CENPP: variants seen among roughly 807,000 people sequenced by gnomAD.
CENPP encodes centromere protein P.
Under a neutral mutation model 35.6 loss-of-function variants are expected in CENPP, and 24 were observed. The ratio of observed to expected loss-of-function variants is 0.67; its 90% CI spans 0.49 to 0.95. The LOEUF (loss-of-function observed/expected upper bound fraction) is 0.95. Ranked by LOEUF, CENPP falls within the 40% of genes least tolerant of loss-of-function variation. The pLI, the probability that CENPP is intolerant of heterozygous loss-of-function variation, is 0.00. For synonymous variants in CENPP, 120 were observed against 125.5 expected (o/e 0.96, Z 0.29); for missense variants, 332 against 345.3 (o/e 0.96, Z 0.31).
At chr9:92,426,479 T>G (rs1488333817) in intron 5 of CENPP, among the ~76,000 whole-genome samples, 1 of 152,160 alleles carries the variant, frequency 6.6e-6, no homozygotes, top group Non-Finnish European at 1.5e-5. Flanking sequence ...AGTGAAAGTC[T>G]CTGTTATAGA....
chr9:92,520,208 A>G (rs554204613), intron 5 of CENPP, among the ~76,000 whole-genome samples: 1 of 151,404 alleles, frequency 6.6e-6, no homozygotes, highest in Non-Finnish European at 1.5e-5. Context: ...ACTGAAGCCC[A>G]GGAGTTCAAG....
At chr9:92,442,357 C>T (rs1844418311) in intron 5 of CENPP, among the ~76,000 whole-genome samples, 1 of 138,300 alleles carries the variant, frequency 7.2e-6, no homozygotes, top group Admixed American at 7.5e-5. Flanking sequence ...GAGGTCGCGC[C>T]ATTGCACTCC....
chr9:92,396,528 G>A (rs1842897224), intron 5 of CENPP, among the ~76,000 whole-genome samples: 1 of 151,068 alleles, frequency 6.6e-6, no homozygotes, highest in African/African-American at 2.4e-5. Context: ...TCTCTTAGCA[G>A]CGTTATTTAG....
rs538464663 is a variant in CENPP at position 92,441,776 on chromosome 9, C to G, written c.564+61917C>G. ...TCTTAGGAAACAAAGCAAAACAAAACAAAGACTTAAAAGATATATCAACTT... is the reference window on the plus strand; with the variant it reads ...TCTTAGGAAACAAAGCAAAACAAAAGAAAGACTTAAAAGATATATCAACTT... On this transcript the variant is annotated intron_variant, in intron 5 of 7. Coordinates refer to ENST00000375587, the MANE Select transcript of CENPP (RefSeq NM_001012267.3). 1.2e-3 allele frequency among the ~76,000 whole-genome samples: 184 copies of G among 152,142 alleles called. 1 individual carries two copies. Among genetic ancestry groups the G allele is most frequent in the African/African-American group, 4.2e-3 (174 of 41,524 alleles).
intron 4 of CENPP, among the ~76,000 whole-genome samples, chr9:92,370,929 T>C (rs1320813024): frequency 6.6e-6 from 1 of 152,214 alleles, no homozygotes. Context: ...TCTCATCTTT[T>C]TTATTTCTGT....
chr9:92,329,697 G>A (rs1477638159), intron 1 of CENPP, among the ~76,000 whole-genome samples: 1 of 151,966 alleles, frequency 6.6e-6, no homozygotes, highest in African/African-American at 2.4e-5. Flanking sequence ...TGAAGGCATG[G>A]CACCTGCCAC....
chr9:92,497,028 G>C (rs1424542330), intron 5 of CENPP, among the ~76,000 whole-genome samples: 1 of 151,686 alleles, frequency 6.6e-6, no homozygotes, highest in Non-Finnish European at 1.5e-5. Flanking sequence ...ATGCAAAATG[G>C]TGCGCCACCT....
At chr9:92,361,502 T>G (rs1004461705) in intron 4 of CENPP, among the ~76,000 whole-genome samples, 2 of 148,658 alleles carry the variant, frequency 1.3e-5, no homozygotes, top group Admixed American at 6.8e-5. Flanking sequence ...TATTTTGAGA[T>G]GGAGTCTTGC....
At position 92,614,129 on chromosome 9, in the gene CENPP, G is replaced by A. The variant is rs1445782968; in HGVS notation, c.*980G>A. 6.6e-6 allele frequency: 1 copy of A among 152,274 alleles called. No homozygotes were observed. Among genetic ancestry groups the A allele is most frequent in the African/African-American group, 2.4e-5 (1 of 41,432 alleles). The allele number at this position is 152,274 out of a possible 1,614,324, so 9.4% of individuals were successfully genotyped here. A position where few individuals can be genotyped will look rare whatever the true frequency, so the allele number is the denominator to read the frequency against. On this transcript the variant is annotated 3_prime_UTR_variant, in exon 8 of 8. Coordinates refer to ENST00000375587, the MANE Select transcript of CENPP (RefSeq NM_001012267.3). ...TAGTCCAGCCCTGTCTGGGCCCTGT[G>A]CTAGGCAATAACTCTTGCAGCCCTG...
At chr9:92,418,371 G>T (rs2130962872) in intron 5 of CENPP, among the ~76,000 whole-genome samples, 1 of 151,764 alleles carries the variant, frequency 6.6e-6, no homozygotes, top group South Asian at 2.1e-4. Flanking sequence ...ACAGGCGTGA[G>T]CCACTGCGCC....
chr9:92,387,668 A>G (rs138338233), intron 5 of CENPP, among the ~76,000 whole-genome samples: 59 of 152,324 alleles, frequency 3.9e-4, no homozygotes, highest in African/African-American at 1.4e-3. Flanking sequence ...CTTCCCAGTG[A>G]GTCTCATTTA....
chr9:92,602,330 G>C (rs147805493), intron 5 of CENPP, among the ~76,000 whole-genome samples: 1 of 152,280 alleles, frequency 6.6e-6, no homozygotes, highest in African/African-American at 2.4e-5. Flanking sequence ...CACCTTTTGG[G>C]ACCCTCACTG....
intron 5 of CENPP, among the ~76,000 whole-genome samples, chr9:92,488,296 G>A (rs1846107008): frequency 1.3e-5 from 2 of 152,152 alleles, no homozygotes; most frequent in South Asian, 2.1e-4. Context: ...GAGCAGATAA[G>A]GCAGTTTGCC....
In CENPP at chr9:92,618,528, CG is replaced by C. The variant is rs374257924; in HGVS notation, c.*5385del. 3.0e-3 allele frequency: 1,358 copies of C among 456,662 alleles called. 5 individuals are homozygous for C. The highest frequency in any genetic ancestry group is 3.9e-3 in the South Asian group (254 of 64,566). The allele number at this position is 456,662 out of a possible 1,614,324, so 28.3% of individuals were successfully genotyped here. A position where few individuals can be genotyped will look rare whatever the true frequency, so the allele number is the denominator to read the frequency against. On this transcript the variant is annotated 3_prime_UTR_variant, in exon 8 of 8. Transcript: ENST00000375587. The stretch of plus-strand genomic sequence containing the variant: ...TCCATTGCCCAGCTGCATCCTTGGT[CG>C]GGGGGCTGCTGAACAGTGGTATCTT...
At chr9:92,512,651 C>T (rs781652834) in intron 5 of CENPP, among the ~76,000 whole-genome samples, 6 of 152,302 alleles carry the variant, frequency 3.9e-5, no homozygotes, top group Middle Eastern at 3.4e-3. Context: ...TATGCCTCTA[C>T]GGCTTCAATC....
chr9:92,479,362 T>C (rs975981183), intron 5 of CENPP, among the ~76,000 whole-genome samples: 1 of 152,374 alleles, frequency 6.6e-6, no homozygotes, highest in Non-Finnish European at 1.5e-5. Flanking sequence ...TGGAGACTTC[T>C]GCCTGCAAGT....
intron 5 of CENPP, among the ~76,000 whole-genome samples, chr9:92,482,959 CTA>C (rs1414889009): frequency 6.6e-6 from 1 of 150,690 alleles, no homozygotes; most frequent in African/African-American, 2.4e-5. Context: ...GTCAGGGAAA[CTA>C]TGGATGAGGC....
chr9:92,615,837 C>G lies in CENPP; in HGVS notation c.*2688C>G. On this transcript the variant is annotated 3_prime_UTR_variant, in exon 8 of 8. Coordinates refer to ENST00000375587, the MANE Select transcript of CENPP (RefSeq NM_001012267.3). ...AAGACACTGCAGGGAAAGAGTTAGA[C>G]CTTGTGGAGAACTAATGTGCAATCT... 6.2e-7 allele frequency: 1 copy of G among 1,610,788 alleles called. No homozygotes were observed.
At chr9:92,546,581 G>A (rs574926522) in intron 5 of CENPP, among the ~76,000 whole-genome samples, 1 of 151,998 alleles carries the variant, frequency 6.6e-6, no homozygotes. Context: ...GCGAGACCAC[G>A]AACCCACCAG....
Sources: gnomAD v4.1 joint callset for allele counts (sites outside exome capture counted in the v4.1 genomes callset) on GRCh38, gnomAD v4.1.1 for gene constraint, MANE v1.5 for transcripts, NCBI Gene and HGNC (gene_info 2026-07-23, HGNC 2026-07-21) for gene names.